Variants in SLC9C2 observed in about 807,000 individuals in gnomAD.
SLC9C2 encodes sodium/hydrogen exchanger 11.
SLC9C2 carries 75 observed loss-of-function variants against 140.2 expected under a neutral mutation model. That is an observed-to-expected ratio of 0.53 (90% CI 0.44 to 0.65). SLC9C2 has a LOEUF of 0.65. SLC9C2 is among the 30% of genes least tolerant of loss of function. The probability of loss-of-function intolerance (pLI) is 0.00; values close to 1 mark genes in which losing one functional copy is unlikely to be tolerated. For missense variants in SLC9C2, 1,074 were observed against 1,331.8 expected, an observed-to-expected ratio of 0.81 and a Z score of 3.01; for synonymous variants, 375 against 420.9, an observed-to-expected ratio of 0.89 and a Z score of 1.34.
chr1:173,523,268 A>G (rs1006171549), intron 21 of SLC9C2, among the ~76,000 whole-genome samples: 3 of 152,170 alleles, frequency 2.0e-5, no homozygotes, highest in African/African-American at 4.8e-5. Context: ...GCTACTTGGG[A>G]GGCTGAGGCA....
At chr1:173,561,867 A>G (rs1490151290) in intron 9 of SLC9C2, among the ~76,000 whole-genome samples, 10 of 150,346 alleles carry the variant, frequency 6.7e-5, no homozygotes, top group African/African-American at 2.5e-4. Flanking sequence ...ACACAGACAC[A>G]CACACACACA....
At chr1:173,541,313 C>T (rs1246678972) in intron 13 of SLC9C2, among the ~76,000 whole-genome samples, 2 of 152,090 alleles carry the variant, frequency 1.3e-5, no homozygotes, top group African/African-American at 4.8e-5. Context: ...AGCTAACTAT[C>T]CTAAATATAT....
rs1247332963 is a variant in SLC9C2, at chr1:173,519,842, T to A, written c.2739+1459A>T. 1.2e-4 allele frequency among the ~76,000 whole-genome samples: 19 copies of A among 152,062 alleles called. 1 individual carries two copies. Among genetic ancestry groups the A allele is most frequent in the Non-Finnish European group, 5.9e-5 (4 of 68,008 alleles). On this transcript the variant is annotated intron_variant, in intron 22 of 27. Coordinates refer to ENST00000367714, the MANE Select transcript of SLC9C2 (RefSeq NM_178527.4). ...AATTTTTTTTTTCTGTTCATCAGTT[T>A]TCTCATGTAAAAAATAGGGTTGTTG...
At chr1:173,591,244 C>T (rs182261808) in intron 4 of SLC9C2, among the ~76,000 whole-genome samples, 94 of 152,198 alleles carry the variant, frequency 6.2e-4, no homozygotes, top group African/African-American at 1.9e-3. Flanking sequence ...TATTCCATGG[C>T]AAATATGTAC....
At chr1:173,600,281 C>A in intron 2 of SLC9C2, 64 bp from the exon 3 acceptor site, 1 of 1,120,240 alleles carries the variant, frequency 8.9e-7, no homozygotes. Context: ...AAATGTGTAT[C>A]ACTTTTGCAC....
intron 13 of SLC9C2, among the ~76,000 whole-genome samples, chr1:173,537,857 C>T (rs1198622393): frequency 6.6e-6 from 1 of 152,280 alleles, no homozygotes; most frequent in East Asian, 1.9e-4. Context: ...TTCTACATGA[C>T]ACTGACATTA....
chr1:173,533,705 T>C lies in SLC9C2; in HGVS notation c.2067A>G (p.Val689=), dbSNP rs1213344529. 16 of 1,610,862 alleles carry C rather than the reference T, an allele frequency of 9.9e-6. No individual in the cohort carries two copies. The highest frequency in any genetic ancestry group is 1.7e-5 in the Admixed American group (1 of 59,864). ...TGTCTGGTCTCAATTTCACAAAGTA[T>C]ACACAAAAGATATCAATGATTCCAA... ...LVIGIIDIFC[V]YFVKLRPDNL... is the part of the protein sequence containing the mutation. The change falls in exon 17 of 28, where the codon GTA becomes GTG. Residue 689 remains valine, a synonymous_variant. Transcript: ENST00000367714.
chr1:173,548,347 G>T (rs747189638), intron 12 of SLC9C2, 42 bp downstream of exon 12: 5 of 1,576,078 alleles, frequency 3.2e-6, no homozygotes, highest in Non-Finnish European at 4.3e-6. Flanking sequence ...GGCAGACCAA[G>T]GGAAGGAAAG....
intron 25 of SLC9C2, among the ~76,000 whole-genome samples, chr1:173,505,781 C>T (rs1659592934): frequency 6.6e-6 from 1 of 152,248 alleles, no homozygotes; most frequent in East Asian, 1.9e-4. Flanking sequence ...TTTTAGATTA[C>T]CACATATTAT....
At chr1:173,509,527 A>AT in intron 24 of SLC9C2, 41 bp downstream of exon 24, 5 of 1,452,166 alleles carry the variant, frequency 3.4e-6, no homozygotes, top group Non-Finnish European at 4.6e-6. Context: ...AATACAATGC[A>AT]TAAAAATTCA....
chr1:173,569,013 A>G (rs1045480766), intron 9 of SLC9C2, among the ~76,000 whole-genome samples: 1 of 152,066 alleles, frequency 6.6e-6, no homozygotes, highest in African/African-American at 2.4e-5. Flanking sequence ...GAAATCCCTC[A>G]GCTTTTGTTT....
At chr1:173,568,595 G>A (rs182249344) in intron 9 of SLC9C2, among the ~76,000 whole-genome samples, 91 of 152,218 alleles carry the variant, frequency 6.0e-4, no homozygotes, top group African/African-American at 2.0e-3. Context: ...GAACATTCAC[G>A]TTCATGTGTC....
chr1:173,576,906 A>T, intron 7 of SLC9C2, 146 bp from the exon 8 acceptor site: 1 of 595,156 alleles, frequency 1.7e-6, no homozygotes, highest in South Asian at 2.4e-5. Context: ...GACCTAATCC[A>T]GTAAACCTGG....
chr1:173,582,293 A>G (rs1289565936), intron 6 of SLC9C2, among the ~76,000 whole-genome samples: 1 of 152,226 alleles, frequency 6.6e-6, no homozygotes, highest in Non-Finnish European at 1.5e-5. Flanking sequence ...ACTTGTGACA[A>G]ATGGGTTTAG....
intron 17 of SLC9C2, among the ~76,000 whole-genome samples, chr1:173,530,546 A>T (rs1392188486): frequency 6.6e-6 from 1 of 152,208 alleles, no homozygotes; most frequent in African/African-American, 2.4e-5. Flanking sequence ...TCATAAGCTA[A>T]GGCAGGCTAG....
chr1:173,506,731 A>C (rs1659666934), intron 25 of SLC9C2, 125 bp downstream of exon 25: 2 of 757,306 alleles, frequency 2.6e-6, no homozygotes, highest in Non-Finnish European at 4.2e-6. Context: ...CTGTTTGTAA[A>C]AGGCAAGTAA....
In SLC9C2 at chr1:173,524,835, T is replaced by A. The variant is rs768751568; in HGVS notation, c.2458A>T (p.Thr820Ser). 6.2e-7 allele frequency: 1 copy of A among 1,614,018 alleles called. No homozygotes were observed. Among genetic ancestry groups the A allele is most frequent in the Non-Finnish European group, 8.5e-7 (1 of 1,179,940 alleles). Residue 820 changes from threonine (T) to serine (S), a missense_variant, in exon 20 of 28, where the codon ACC (threonine) becomes TCC (serine). By Grantham distance (58) the Thr-to-Ser change is moderately conservative. Transcript: ENST00000367714. ...NVIAKALKNL[T>S]FLCSRGIIDK... Reference sequence around the variant, plus strand: ...ATAATGCCTCTTGAACAAAGGAAGGTGAGATTTTTTAGAGCTTTAGCAATC... The same window carrying A: ...ATAATGCCTCTTGAACAAAGGAAGGAGAGATTTTTTAGAGCTTTAGCAATC...
Position 173,599,362 on chromosome 1 carries a change from A to ATTTTTTTT in SLC9C2, c.228+747_228+754dup, listed in dbSNP as rs61579339. Among the ~76,000 whole-genome samples the ATTTTTTTT allele has an allele frequency of 5.1e-3, 345 of 68,110 alleles. 83 individuals carry two copies. The highest frequency in any genetic ancestry group is 7.5e-3 in the African/African-American group (159 of 21,128). 44.7% of individuals were successfully genotyped at this position (68,110 alleles called of 152,430 possible). A position where few individuals can be genotyped will look rare whatever the true frequency, so the allele number is the denominator to read the frequency against. On this transcript the variant is annotated intron_variant, in intron 3 of 27. Coordinates refer to ENST00000367714, the MANE Select transcript of SLC9C2 (RefSeq NM_178527.4). ...CAAGAGCGCAAACACATTTTCCTTG[A>ATTTTTTTT]TTTTTTTTTTTTTTTTTTTTTTTTT...
intron 8 of SLC9C2, among the ~76,000 whole-genome samples, chr1:173,575,169 T>G (rs1366601985): frequency 1.3e-5 from 2 of 152,104 alleles, no homozygotes; most frequent in African/African-American, 4.8e-5. Context: ...AAATGCATTA[T>G]GTATACAGTA....
Sources: gnomAD v4.1 joint callset for allele counts (sites outside exome capture counted in the v4.1 genomes callset) on GRCh38, gnomAD v4.1.1 for gene constraint, MANE v1.5 for transcripts, NCBI Gene and HGNC (gene_info 2026-07-23, HGNC 2026-07-21) for gene names.